The following UBAP2 variants were observed in gnomAD, a reference collection of about 807,000 sequenced individuals.
The protein encoded by UBAP2 is ubiquitin-associated protein 2.
Under a neutral mutation model 139.6 loss-of-function variants are expected in UBAP2, and 75 were observed. The ratio of observed to expected loss-of-function variants is 0.54; its 90% CI spans 0.45 to 0.65. The LOEUF (loss-of-function observed/expected upper bound fraction) is 0.65. UBAP2 is among the 30% of genes least tolerant of loss of function. The probability of loss-of-function intolerance (pLI) is 0.00; values close to 1 mark genes in which losing one functional copy is unlikely to be tolerated. For missense variants in UBAP2, 1,368 were observed against 1,369.6 expected, an observed-to-expected ratio of 1.00 and a Z score of 0.02; for synonymous variants, 526 against 526.2, an observed-to-expected ratio of 1.00 and a Z score of 0.01.
chr9:33,999,052 G>GT (rs1338351376), intron 2 of UBAP2, among the ~76,000 whole-genome samples, 188 bp from the exon 3 acceptor site: 2 of 152,152 alleles, frequency 1.3e-5, no homozygotes, highest in Non-Finnish European at 2.9e-5. Context: ...ATCAAATTAA[G>GT]TAACATAAAG....
chr9:33,926,828 G>A lies in UBAP2; in HGVS notation c.2463+161C>T, dbSNP rs77213484. Among the ~76,000 whole-genome samples, 852 of 152,284 alleles carry A rather than the reference G, an allele frequency of 5.6e-3. 9 individuals carry two copies. The highest frequency in any genetic ancestry group is 0.019 in the African/African-American group (781 of 41,550). ...GATCCTGCCTTCACGGAGTCTAGAT[G>A]GAAGAAGACCACCAGGGCTCAGTGG... On this transcript the variant is annotated intron_variant, in intron 21 of 28. Transcript: ENST00000379238.
At chr9:34,027,711 A>AC (rs1825526174) in intron 1 of UBAP2, among the ~76,000 whole-genome samples, 1 of 150,910 alleles carries the variant, frequency 6.6e-6, no homozygotes, top group South Asian at 2.1e-4. Flanking sequence ...CAAAAAAAAA[A>AC]TTAGCCGGGG....
At chr9:34,046,300 T>TAAA (rs35216565) in intron 1 of UBAP2, among the ~76,000 whole-genome samples, 2 of 137,384 alleles carry the variant, frequency 1.5e-5, no homozygotes, top group Non-Finnish European at 3.1e-5. Context: ...AATCATCATT[T>TAAA]AAAAAAAAAA....
At chr9:33,994,041 C>A (rs888034577) in intron 4 of UBAP2, among the ~76,000 whole-genome samples, 1 of 151,928 alleles carries the variant, frequency 6.6e-6, no homozygotes, top group African/African-American at 2.4e-5. Flanking sequence ...ATTGCAGGCG[C>A]CCACCACCAC....
chr9:34,019,613 T>C (rs780898966), intron 1 of UBAP2, among the ~76,000 whole-genome samples: 2 of 151,810 alleles, frequency 1.3e-5, no homozygotes, highest in Non-Finnish European at 2.9e-5. Context: ...TGCACGACAA[T>C]GTAAATGTAC....
intron 2 of UBAP2, among the ~76,000 whole-genome samples, chr9:34,009,566 T>C (rs1037643517): frequency 6.6e-6 from 1 of 152,024 alleles, no homozygotes; most frequent in African/African-American, 2.4e-5. Flanking sequence ...CGGTTCAAAA[T>C]GTTTTTTTAT....
At chr9:33,951,370 T>TA (rs923194820) in intron 12 of UBAP2, among the ~76,000 whole-genome samples, 4 of 118,946 alleles carry the variant, frequency 3.4e-5, no homozygotes, top group East Asian at 5.6e-4. Context: ...TTTTTTGAGA[T>TA]AGAGTTTCTC....
At chr9:34,031,782 C>T (rs1184219949) in intron 1 of UBAP2, among the ~76,000 whole-genome samples, 1 of 146,544 alleles carries the variant, frequency 6.8e-6, no homozygotes, top group Non-Finnish European at 1.5e-5. Flanking sequence ...AAGACCCTGT[C>T]CCAAACCAAA....
At chr9:33,992,172 T>G (rs959432244) in intron 4 of UBAP2, among the ~76,000 whole-genome samples, 4 of 152,056 alleles carry the variant, frequency 2.6e-5, no homozygotes, top group African/African-American at 9.7e-5. Flanking sequence ...GTGGATCACC[T>G]GAGGTTGGGA....
chr9:33,972,187 A>G (rs1456750761), intron 7 of UBAP2, among the ~76,000 whole-genome samples: 2 of 152,252 alleles, frequency 1.3e-5, no homozygotes, highest in African/African-American at 4.8e-5. Context: ...AACATTAGAT[A>G]AAGAAGAAAA....
chr9:34,033,476 G>A (rs1046264641), intron 1 of UBAP2, among the ~76,000 whole-genome samples: 1 of 152,124 alleles, frequency 6.6e-6, no homozygotes, highest in Non-Finnish European at 1.5e-5. Context: ...GAAGGGTAGT[G>A]GGGGACTTGG....
chr9:34,039,081 C>G (rs1293461319), intron 1 of UBAP2, among the ~76,000 whole-genome samples: 1 of 149,004 alleles, frequency 6.7e-6, no homozygotes, highest in Admixed American at 6.7e-5. Flanking sequence ...CCCCTCCGCC[C>G]GGCAGCCACC....
At chr9:34,039,847 T>TAAAAAAAAAAA (rs74180526) in intron 1 of UBAP2, among the ~76,000 whole-genome samples, 7 of 84,414 alleles carry the variant, frequency 8.3e-5, no homozygotes, top group Non-Finnish European at 6.6e-5. Flanking sequence ...CAATAAATAC[T>TAAAAAAAAAAA]AAAAAAAAAA....
chr9:33,944,731 A>G, intron 13 of UBAP2, 92 bp from the exon 14 acceptor site: 1 of 1,415,194 alleles, frequency 7.1e-7, no homozygotes, highest in Non-Finnish European at 9.5e-7. Flanking sequence ...CAATTTCTCC[A>G]AATCATTTCC....
intron 8 of UBAP2, among the ~76,000 whole-genome samples, chr9:33,969,062 T>C (rs1827691443): frequency 6.6e-6 from 1 of 151,970 alleles, no homozygotes; most frequent in Non-Finnish European, 1.5e-5. Context: ...ATTTTGCTTA[T>C]ACATTCATCC....
chr9:33,927,295 C>T (rs1192216832), intron 20 of UBAP2, among the ~76,000 whole-genome samples: 2 of 152,104 alleles, frequency 1.3e-5, no homozygotes, highest in African/African-American at 2.4e-5. Flanking sequence ...CAGAGAGTTC[C>T]GGGCCCAGAC....
chr9:34,019,688 TACACACACACACACACACACAC>T (rs56358132), intron 1 of UBAP2, among the ~76,000 whole-genome samples: 3 of 144,754 alleles, frequency 2.1e-5, no homozygotes, highest in Non-Finnish European at 3.0e-5. Context: ...TACATTTTAC[TACACACACACACACACACACAC>T]ACACACACAC....
chr9:33,951,278 A>G (rs66843344), intron 12 of UBAP2, among the ~76,000 whole-genome samples: 19,127 of 149,522 alleles, frequency 0.13, 1,553 homozygotes, highest in African/African-American at 0.22. Flanking sequence ...CAGCCTCCCA[A>G]AGTTCTGGGA....
At chr9:33,926,700 C>T in intron 21 of UBAP2, 36 bp from the exon 22 acceptor site, 1 of 1,612,676 alleles carries the variant, frequency 6.2e-7, no homozygotes, top group Non-Finnish European at 8.5e-7. Flanking sequence ...TTAGGAACCA[C>T]ATACCACACC....
Sources: gnomAD v4.1 joint callset for allele counts (sites outside exome capture counted in the v4.1 genomes callset) on GRCh38, gnomAD v4.1.1 for gene constraint, MANE v1.5 for transcripts, NCBI Gene and HGNC (gene_info 2026-07-23, HGNC 2026-07-21) for gene names.